The following CHL1 variants were observed in gnomAD, a reference collection of about 807,000 sequenced individuals.
CHL1 encodes cell adhesion molecule L1 like.
In CHL1, 96 loss-of-function variants were observed where a neutral mutation model predicts 141.9. That is an observed-to-expected ratio of 0.68 (90% CI 0.57 to 0.80). The LOEUF (loss-of-function observed/expected upper bound fraction) is 0.80. Among genes scored for constraint, CHL1 ranks in the 30% least tolerant of loss-of-function variants. CHL1 has a pLI of 0.00. For missense variants in CHL1, 1,820 were observed against 1,457.2 expected (o/e 1.25, Z -4.05); for synonymous variants, 613 against 502.2 (o/e 1.22, Z -2.95).
At chr3:398,827 TA>T (rs1708885654) in intron 25 of CHL1, among the ~76,000 whole-genome samples, 189 bp from the exon 26 acceptor site, 1 of 152,202 alleles carries the variant, frequency 6.6e-6, no homozygotes, top group African/African-American at 2.4e-5. Flanking sequence ...AGTCCCTTTT[TA>T]AATAAAGAAG....
intron 9 of CHL1, among the ~76,000 whole-genome samples, chr3:346,319 T>C (rs984772151): frequency 1.3e-5 from 2 of 152,212 alleles, no homozygotes; most frequent in African/African-American, 4.8e-5. Flanking sequence ...CTGTGTATTA[T>C]TTTAGAAGAG....
chr3:275,776 C>G, intron 2 of CHL1, among the ~76,000 whole-genome samples: 1 of 151,870 alleles, frequency 6.6e-6, no homozygotes, highest in East Asian at 1.9e-4. Context: ...TTACTGTGTT[C>G]TAAAGAATAG....
intron 19 of CHL1, among the ~76,000 whole-genome samples, chr3:388,952 A>C (rs1404364167): frequency 6.6e-6 from 1 of 152,240 alleles, no homozygotes; most frequent in East Asian, 1.9e-4. Flanking sequence ...CACTTTGTGG[A>C]ATTTCTTTGT....
chr3:198,334 C>T (rs1395982797), intron 1 of CHL1, among the ~76,000 whole-genome samples: 2 of 151,940 alleles, frequency 1.3e-5, no homozygotes, highest in Non-Finnish European at 2.9e-5. Context: ...GCTGCCCTGC[C>T]AGGCGCGTGC....
intron 2 of CHL1, among the ~76,000 whole-genome samples, chr3:245,574 C>T (rs1693087781): frequency 6.6e-6 from 1 of 152,064 alleles, no homozygotes. Flanking sequence ...GGTTTTCTTA[C>T]TTTCTCAGGA....
At chr3:211,539 A>G (rs927660148) in intron 1 of CHL1, among the ~76,000 whole-genome samples, 5 of 152,110 alleles carry the variant, frequency 3.3e-5, no homozygotes, top group African/African-American at 1.2e-4. Context: ...AGATCCTACC[A>G]TCACGTTCTT....
At chr3:403,484 T>C (rs1011010398) in intron 27 of CHL1, among the ~76,000 whole-genome samples, 1 of 151,384 alleles carries the variant, frequency 6.6e-6, no homozygotes, top group Non-Finnish European at 1.5e-5. Flanking sequence ...GAGGCGGAGG[T>C]TGCAGTAAGC....
At chr3:383,765 C>T in intron 18 of CHL1, 51 bp from the exon 19 acceptor site, 1 of 1,349,490 alleles carries the variant, frequency 7.4e-7, no homozygotes, top group Non-Finnish European at 1.1e-6. Context: ...GATATGATGA[C>T]TTACCTATGG....
intron 15 of CHL1, among the ~76,000 whole-genome samples, chr3:368,389 A>G (rs752551664): frequency 5.9e-5 from 9 of 152,152 alleles, no homozygotes; most frequent in African/African-American, 7.2e-5. Flanking sequence ...GGCCATGTAA[A>G]TGTCTTCTTT....
intron 2 of CHL1, among the ~76,000 whole-genome samples, chr3:310,350 T>C (rs1339158319): frequency 6.6e-6 from 1 of 152,128 alleles, no homozygotes. Context: ...GGATGCTCAC[T>C]TGAGCCAAGA....
intron 1 of CHL1, among the ~76,000 whole-genome samples, chr3:198,345 G>T (rs1161715709): frequency 3.3e-5 from 5 of 151,926 alleles, no homozygotes; most frequent in Admixed American, 2.6e-4. Context: ...AGGCGCGTGC[G>T]CGAGGGCGCG....
chr3:296,767 A>C (rs1202250921), intron 2 of CHL1, among the ~76,000 whole-genome samples: 1 of 152,252 alleles, frequency 6.6e-6, no homozygotes, highest in Non-Finnish European at 1.5e-5. Flanking sequence ...TTATATAAAC[A>C]AAACACTGTA....
At chr3:247,113 G>T (rs1054994118) in intron 2 of CHL1, 1 of 151,794 alleles carries the variant, frequency 6.6e-6, no homozygotes, top group Non-Finnish European at 1.5e-5. Context: ...CCTATGAGAT[G>T]TTAACAGCTG....
At position 265,708 on chromosome 3, in the gene CHL1, A is replaced by G. The variant is rs547389100; in HGVS notation, c.-95+21016A>G. Among the ~76,000 whole-genome samples, 6 of 152,332 alleles carry G rather than the reference A, an allele frequency of 3.9e-5. No homozygotes were observed. In the South Asian group the frequency reaches 1.0e-3, roughly 26 times the overall value. On this transcript the variant is annotated intron_variant, in intron 2 of 27. Transcript: ENST00000256509. ...ATGTGGGGAATGGGTGGGAGATGTC[A>G]GAATTTGTATTTACAGTGAAGCAGG... is the stretch of plus-strand genomic sequence containing the variant.
At chr3:390,879 G>T (rs530496475) in intron 21 of CHL1, 63 bp downstream of exon 21, 2 of 1,516,294 alleles carry the variant, frequency 1.3e-6, no homozygotes, top group Middle Eastern at 1.7e-4. Flanking sequence ...GAATAAAGAA[G>T]AATTGATTTC....
intron 2 of CHL1, among the ~76,000 whole-genome samples, chr3:258,143 C>G (rs140799920): frequency 6.6e-6 from 1 of 152,198 alleles, no homozygotes; most frequent in African/African-American, 2.4e-5. Flanking sequence ...CAATTTAAAA[C>G]GTTCACTTGC....
chr3:317,408 C>T (rs1257537800), intron 2 of CHL1, among the ~76,000 whole-genome samples: 3 of 151,678 alleles, frequency 2.0e-5, no homozygotes, highest in African/African-American at 7.3e-5. Flanking sequence ...TATTCTTGTT[C>T]CCTATTTCAG....
intron 12 of CHL1, 74 bp downstream of exon 12, chr3:360,498 A>G (rs992956955): frequency 6.8e-7 from 1 of 1,461,022 alleles, no homozygotes; most frequent in Admixed American, 1.9e-5. Context: ...TCAGAAGTGT[A>G]TTAACTCTTG....
intron 4 of CHL1, 127 bp from the exon 5 acceptor site, chr3:328,040 A>T (rs1701143585): frequency 3.5e-6 from 2 of 571,880 alleles, no homozygotes; most frequent in East Asian, 6.3e-5. Context: ...ATCCTGTTAT[A>T]TTCCATTAAG....
Sources: gnomAD v4.1 joint callset for allele counts (sites outside exome capture counted in the v4.1 genomes callset) on GRCh38, gnomAD v4.1.1 for gene constraint, MANE v1.5 for transcripts, NCBI Gene and HGNC (gene_info 2026-07-23, HGNC 2026-07-21) for gene names.